CPNE4: variants seen among roughly 807,000 people sequenced by gnomAD.
The protein encoded by CPNE4 is copine-4.
A neutral mutation model predicts 67.9 loss-of-function variants in CPNE4; 25 were observed. The ratio of observed to expected loss-of-function variants is 0.37; its 90% CI spans 0.27 to 0.51. The LOEUF (loss-of-function observed/expected upper bound fraction) is 0.51. Among genes scored for constraint, CPNE4 ranks in the 20% least tolerant of loss-of-function variants. The pLI is 0.93. For missense variants in CPNE4, 464 were observed against 690.8 expected (o/e 0.67, Z 3.68); for synonymous variants, 242 against 244.9 (o/e 0.99, Z 0.11).
intron 1 of CPNE4, among the ~76,000 whole-genome samples, chr3:131,990,476 C>T (rs1474904037): frequency 1.5e-5 from 2 of 134,570 alleles, no homozygotes; most frequent in Non-Finnish European, 3.4e-5. Context: ...TTAAACACCC[C>T]CTGCCCCCAG....
chr3:131,652,665 C>T (rs963089582), intron 7 of CPNE4, among the ~76,000 whole-genome samples: 13 of 151,996 alleles, frequency 8.6e-5, no homozygotes, highest in African/African-American at 2.9e-4. Flanking sequence ...TGGTGTTTTT[C>T]CTTCTAGTCA....
intron 1 of CPNE4, among the ~76,000 whole-genome samples, chr3:131,936,175 G>A (rs763597755): frequency 2.0e-4 from 30 of 151,668 alleles, no homozygotes; most frequent in African/African-American, 5.6e-4. Flanking sequence ...ACTAGAAGAC[G>A]AATTTAAGCT....
At chr3:131,939,027 CTAATGGAAATGCAAAT>C (rs2071307645) in intron 1 of CPNE4, among the ~76,000 whole-genome samples, 1 of 152,118 alleles carries the variant, frequency 6.6e-6, no homozygotes, top group African/African-American at 2.4e-5. Flanking sequence ...TCTTGCACCA[CTAATGGAAATGCAAAT>C]TAGTATAAGG....
chr3:131,837,120 T>A (rs1188350596), intron 2 of CPNE4, among the ~76,000 whole-genome samples: 4 of 152,156 alleles, frequency 2.6e-5, no homozygotes, highest in African/African-American at 9.6e-5. Flanking sequence ...TCTCATGTAC[T>A]GTTGGTGGGA....
chr3:131,754,801 G>C (rs2082714900), intron 2 of CPNE4, among the ~76,000 whole-genome samples: 1 of 152,144 alleles, frequency 6.6e-6, no homozygotes, highest in Non-Finnish European at 1.5e-5. Context: ...TGAACTCAGG[G>C]ATAACATCAG....
intron 2 of CPNE4, among the ~76,000 whole-genome samples, chr3:131,862,912 T>C (rs1160437723): frequency 6.8e-6 from 1 of 146,692 alleles, no homozygotes; most frequent in African/African-American, 2.5e-5. Context: ...CCTGTGTCCA[T>C]GTGTTCTCAT....
At chr3:131,561,210 A>T (rs1936742330) in intron 11 of CPNE4, among the ~76,000 whole-genome samples, 1 of 152,008 alleles carries the variant, frequency 6.6e-6, no homozygotes. Context: ...ATTAGAGAAC[A>T]TTTCAGGTTT....
At chr3:131,600,923 A>G (rs940717087) in intron 7 of CPNE4, among the ~76,000 whole-genome samples, 10 of 152,070 alleles carry the variant, frequency 6.6e-5, no homozygotes, top group African/African-American at 2.2e-4. Flanking sequence ...TTTTCTTCTA[A>G]ATCAGTTCTC....
At chr3:131,564,131 T>A in intron 11 of CPNE4, 85 bp downstream of exon 11, 2 of 1,540,062 alleles carry the variant, frequency 1.3e-6, no homozygotes, top group East Asian at 4.5e-5. Flanking sequence ...TAGACTTAAT[T>A]TCCACTTTCT....
chr3:131,956,907 A>C (rs1480028344), intron 1 of CPNE4, among the ~76,000 whole-genome samples: 1 of 152,228 alleles, frequency 6.6e-6, no homozygotes, highest in Admixed American at 6.5e-5. Flanking sequence ...TTCTTCATTA[A>C]ATTTGTATAC....
intron 2 of CPNE4, among the ~76,000 whole-genome samples, chr3:131,901,883 G>C (rs1459613494): frequency 2.0e-5 from 3 of 151,892 alleles, no homozygotes; most frequent in Non-Finnish European, 2.9e-5. Context: ...CAAAATTCCT[G>C]AATATTTAAC....
intron 15 of CPNE4, among the ~76,000 whole-genome samples, chr3:131,541,784 C>A (rs548798934): frequency 1.3e-5 from 2 of 152,226 alleles, no homozygotes; most frequent in East Asian, 3.9e-4. Flanking sequence ...GATTCTCCTG[C>A]CTCAGCCTCC....
chr3:131,637,715 C>T (rs1285927883), intron 7 of CPNE4, among the ~76,000 whole-genome samples: 6 of 152,116 alleles, frequency 3.9e-5, no homozygotes, highest in Non-Finnish European at 5.9e-5. Flanking sequence ...ACAAAAAGAT[C>T]ATCACCTAGG....
At chr3:131,887,912 A>T (rs1297878487) in intron 2 of CPNE4, among the ~76,000 whole-genome samples, 1 of 139,848 alleles carries the variant, frequency 7.2e-6, no homozygotes, top group Non-Finnish European at 1.6e-5. Context: ...AGGAGGGTCT[A>T]TGTCCTTACC....
intron 5 of CPNE4, among the ~76,000 whole-genome samples, chr3:131,690,152 A>T (rs1175057073): frequency 6.6e-6 from 1 of 152,146 alleles, no homozygotes; most frequent in Non-Finnish European, 1.5e-5. Flanking sequence ...CTTACATCAA[A>T]CTATAAACAT....
chr3:132,038,741 T>C (rs2074373681), upstream of CPNE4, among the ~76,000 whole-genome samples: 3 of 152,160 alleles, frequency 2.0e-5, no homozygotes. Context: ...ATAAACCCAT[T>C]AGCACTCCAT....
chr3:131,547,878 A>G (rs530333823), intron 14 of CPNE4, among the ~76,000 whole-genome samples: 1 of 152,296 alleles, frequency 6.6e-6, no homozygotes, highest in Admixed American at 6.5e-5. Flanking sequence ...CACCTGATGG[A>G]TGTTGTGTAG....
chr3:131,987,963 G>T (rs1248843079), intron 1 of CPNE4, among the ~76,000 whole-genome samples: 1 of 152,120 alleles, frequency 6.6e-6, no homozygotes, highest in Non-Finnish European at 1.5e-5. Context: ...TAAGCATTTG[G>T]CTTCCTTTAG....
chr3:131,944,774 G>A (rs1339851380), intron 1 of CPNE4, among the ~76,000 whole-genome samples: 1 of 152,126 alleles, frequency 6.6e-6, no homozygotes, highest in Admixed American at 6.6e-5. Flanking sequence ...AGTGCTGGAA[G>A]TGTATAATCC....
Sources: gnomAD v4.1 joint callset for allele counts (sites outside exome capture counted in the v4.1 genomes callset) on GRCh38, gnomAD v4.1.1 for gene constraint, MANE v1.5 for transcripts, NCBI Gene and HGNC (gene_info 2026-07-23, HGNC 2026-07-21) for gene names.